Variants in DENND4A observed in about 807,000 individuals in gnomAD.
DENND4A encodes DENN domain containing 4A.
Under a neutral mutation model 199.3 loss-of-function variants are expected in DENND4A, and 70 were observed. That is an observed-to-expected ratio of 0.35 (90% confidence interval 0.29 to 0.43). The LOEUF (loss-of-function observed/expected upper bound fraction) is 0.43, where lower values mean the gene tolerates loss of function less well. Ranked by LOEUF, DENND4A falls within the 20% of genes least tolerant of loss-of-function variation. The probability of loss-of-function intolerance (pLI) is 1.00; values close to 1 mark genes in which losing one functional copy is unlikely to be tolerated. For synonymous variants in DENND4A, 686 were observed against 766.9 expected, an observed-to-expected ratio of 0.89 and a Z score of 1.74; for missense variants, 1,723 against 2,255.8, an observed-to-expected ratio of 0.76 and a Z score of 4.78.
In DENND4A at chr15:65,662,080, T is replaced by TA. The variant is rs11424157; in HGVS notation, c.5588-94_5588-93insT. ...TCTATAATACTACAGAAACACAACA[T>TA]TAGAGGCCAAGAAGGAATTGCTAGG... On this transcript the variant is annotated intron_variant, in intron 32 of 32. Coordinates refer to ENST00000443035, the MANE Select transcript of DENND4A (RefSeq NM_001320835.1). 5,368 of 1,053,112 alleles carry TA rather than the reference T, an allele frequency of 5.1e-3. 176 individuals carry two copies. In the African/African-American group the frequency reaches 0.07, roughly 14 times the overall value. The allele number at this position is 1,053,112 out of a possible 1,614,324, so 65.2% of individuals were successfully genotyped here. A position where few individuals can be genotyped will look rare whatever the true frequency, so the allele number is the denominator to read the frequency against.
chr15:65,772,195 C>A, intron 1 of DENND4A: 1 of 644,834 alleles, frequency 1.6e-6, no homozygotes, highest in South Asian at 2.0e-5. Flanking sequence ...ATTATCACTT[C>A]AATGTTTGGT....
At chr15:65,687,478 T>C (rs1430595237) in intron 23 of DENND4A, among the ~76,000 whole-genome samples, 1 of 152,232 alleles carries the variant, frequency 6.6e-6, no homozygotes, top group Non-Finnish European at 1.5e-5. Context: ...ATTTATTTTA[T>C]TCCTGAAGAT....
chr15:65,736,107 A>AT (rs1175400691), intron 7 of DENND4A, among the ~76,000 whole-genome samples: 11 of 152,140 alleles, frequency 7.2e-5, no homozygotes, highest in Admixed American at 7.2e-4. Flanking sequence ...AACAAATGTG[A>AT]TTTTTTAATA....
chr15:65,728,923 G>T (rs1268433944), intron 11 of DENND4A, 149 bp downstream of exon 11: 5 of 773,436 alleles, frequency 6.5e-6, no homozygotes, highest in Non-Finnish European at 8.9e-6. Context: ...CGCATAATAA[G>T]GTCTGATTCA....
intron 23 of DENND4A, among the ~76,000 whole-genome samples, chr15:65,688,219 T>G (rs914123549): frequency 2.0e-5 from 3 of 152,234 alleles, no homozygotes; most frequent in Non-Finnish European, 4.4e-5. Context: ...AAAATTTGTT[T>G]TAATACATTC....
At chr15:65,730,404 T>C (rs978000476) in intron 9 of DENND4A, among the ~76,000 whole-genome samples, 1 of 152,110 alleles carries the variant, frequency 6.6e-6, no homozygotes, top group African/African-American at 2.4e-5. Context: ...CAAAAGCCTC[T>C]TGGTGAAATG....
Position 65,696,359 on chromosome 15 carries a change from A to T in DENND4A, c.3082+7T>A. On this transcript the variant is annotated splice_region_variant and intron_variant, in intron 22 of 32. Transcript: ENST00000443035. Reference sequence around the variant, plus strand: ...CGCACATAACACAAGCGTACTATTCAACTTACCCATGCTTTCTCCTGATAT... The same window carrying T: ...CGCACATAACACAAGCGTACTATTCTACTTACCCATGCTTTCTCCTGATAT... 2 of 1,611,148 alleles carry T rather than the reference A, an allele frequency of 1.2e-6. No homozygotes were observed. The highest frequency in any genetic ancestry group is 1.7e-6 in the Non-Finnish European group (2 of 1,178,110).
At chr15:65,718,758 TC>T (rs2075498367) in intron 12 of DENND4A, among the ~76,000 whole-genome samples, 4 of 140,754 alleles carry the variant, frequency 2.8e-5, no homozygotes, top group African/African-American at 8.2e-5. Context: ...ATGTTTTTTT[TC>T]CTTTTTTTTT....
intron 7 of DENND4A, 33 bp from the exon 8 acceptor site, chr15:65,732,851 A>C: frequency 2.3e-6 from 3 of 1,324,082 alleles, no homozygotes; most frequent in East Asian, 2.3e-5. Context: ...AGTGATTCCA[A>C]AGTGAACGTC....
intron 13 of DENND4A, among the ~76,000 whole-genome samples, chr15:65,717,431 G>T (rs1454204311): frequency 6.6e-6 from 1 of 152,068 alleles, no homozygotes; most frequent in Non-Finnish European, 1.5e-5. Context: ...GGTTATTCAA[G>T]CCTGGAGGTG....
In DENND4A at chr15:65,722,917, T is replaced by C; in HGVS notation, c.1519A>G (p.Ile507Val). The C allele has an allele frequency of 6.2e-7, 1 of 1,608,804 alleles. No homozygotes were observed. Among genetic ancestry groups the C allele is most frequent in the Non-Finnish European group, 8.5e-7 (1 of 1,177,988 alleles). The change falls in exon 12 of 33, where the codon ATA (isoleucine) becomes GTA (valine). Residue 507 changes from isoleucine (I) to valine (V), a missense_variant. By Grantham distance (29) the Ile-to-Val change is conservative. Transcript: ENST00000443035. ...TTTTTACATGGCTTCTTTGGAAGTA[T>C]CTTCCAGGCTACATTTTTCTTGTCA... The part of the protein sequence containing the change: ...IGDKKNVAWK[I>V]LPKKPCKNLM...
At chr15:65,686,700 A>G (rs1467216077) in intron 23 of DENND4A, among the ~76,000 whole-genome samples, 2 of 151,688 alleles carry the variant, frequency 1.3e-5, no homozygotes, top group Non-Finnish European at 2.9e-5. Flanking sequence ...ATAACATCCA[A>G]CTCCTCATTA....
chr15:65,755,548 T>C (rs1386456347), intron 3 of DENND4A, among the ~76,000 whole-genome samples: 2 of 152,140 alleles, frequency 1.3e-5, no homozygotes, highest in East Asian at 3.9e-4. Flanking sequence ...GGAAAATCAC[T>C]TGAGGCCAGG....
At position 65,690,787 on chromosome 15, in the gene DENND4A, G is replaced by C. The variant is rs2076944873; in HGVS notation, c.3807C>G (p.Ser1269Arg). The C allele has an allele frequency of 3.1e-6, 5 of 1,613,294 alleles. No homozygotes were observed. The highest frequency in any genetic ancestry group is 1.1e-5 in the South Asian group (1 of 91,068). The change falls in exon 23 of 33, where the codon AGC becomes AGG. Residue 1269 changes from serine (S) to arginine (R), a missense_variant. Physicochemically the swap from Ser to Arg is moderately radical, Grantham distance 110. Around this residue, in one of 6 missense-constraint regions of DENND4A, gnomAD observed 650 missense variants for 738.1 expected, o/e 0.88. Transcript: ENST00000443035. The part of the protein sequence containing the change: ...MSSPLTSRTP[S>R]IDLQRACDDK... ...CATCACATGCCCGTTGTAAATCAAT[G>C]CTTGGTGTACGACTTGTCAAAGGAC...
At chr15:65,770,371 A>G (rs1335249321) in intron 1 of DENND4A, among the ~76,000 whole-genome samples, 2 of 152,154 alleles carry the variant, frequency 1.3e-5, no homozygotes, top group Admixed American at 6.5e-5. Flanking sequence ...GGTGGCCTTT[A>G]AAGTATTGGA....
intron 4 of DENND4A, among the ~76,000 whole-genome samples, chr15:65,746,135 C>T (rs2076383127): frequency 6.7e-6 from 1 of 149,788 alleles, no homozygotes; most frequent in South Asian, 2.1e-4. Context: ...GAGTGAAACT[C>T]CGTCTCAAAA....
At chr15:65,741,809 C>T in intron 4 of DENND4A, 25 bp from the exon 5 acceptor site, 1 of 1,575,564 alleles carries the variant, frequency 6.3e-7, no homozygotes, top group Non-Finnish European at 8.7e-7. Flanking sequence ...ATAGAAATAT[C>T]ATTTAATTTT....
chr15:65,715,860 T>C (rs1350212430), intron 13 of DENND4A, among the ~76,000 whole-genome samples: 1 of 152,126 alleles, frequency 6.6e-6, no homozygotes, highest in African/African-American at 2.4e-5. Context: ...TCTCTCACCA[T>C]CTTAAAGATT....
At chr15:65,733,699 AAAG>A (rs1260486220) in intron 7 of DENND4A, among the ~76,000 whole-genome samples, 1 of 152,210 alleles carries the variant, frequency 6.6e-6, no homozygotes, top group Non-Finnish European at 1.5e-5. Context: ...GTCTGTGTAG[AAAG>A]AAGTAGACAT....
Sources: gnomAD v4.1 joint callset for allele counts (sites outside exome capture counted in the v4.1 genomes callset) on GRCh38, gnomAD v4.1.1 for gene constraint, gnomAD v4.1.1 regional missense constraint, MANE v1.5 for transcripts, NCBI Gene and HGNC (gene_info 2026-07-23, HGNC 2026-07-21) for gene names.